Variants in MTHFD2L observed in about 807,000 individuals in gnomAD.
The protein encoded by MTHFD2L is bifunctional methylenetetrahydrofolate dehydrogenase/cyclohydrolase 2, mitochondrial.
Under a neutral mutation model 34.9 loss-of-function variants are expected in MTHFD2L, and 29 were observed. The ratio of observed to expected loss-of-function variants is 0.83; its 90% CI spans 0.62 to 1.13. The LOEUF (loss-of-function observed/expected upper bound fraction) is 1.13, where lower values mean the gene tolerates loss of function less well. Ranked by LOEUF, MTHFD2L falls within the 50% of genes most tolerant of loss-of-function variation. The pLI is 0.00. For synonymous variants in MTHFD2L, 167 were observed against 155.7 expected, an observed-to-expected ratio of 1.07 and a Z score of -0.54; for missense variants, 481 against 446.5, an observed-to-expected ratio of 1.08 and a Z score of -0.70.
At chr4:74,279,277 T>A (rs988176665) in intron 6 of MTHFD2L, among the ~76,000 whole-genome samples, 16 of 151,940 alleles carry the variant, frequency 1.1e-4, no homozygotes, top group African/African-American at 3.6e-4. Flanking sequence ...GACACAACAT[T>A]AAGGAAATAC....
intron 1 of MTHFD2L, among the ~76,000 whole-genome samples, chr4:74,150,718 T>C (rs1723880899): frequency 1.3e-5 from 2 of 151,982 alleles, no homozygotes; most frequent in South Asian, 4.1e-4. Flanking sequence ...CAAAACAAAG[T>C]GAAACAAAAT....
intron 6 of MTHFD2L, chr4:74,266,753 C>T: frequency 1.7e-6 from 1 of 602,012 alleles, no homozygotes; most frequent in South Asian, 7.3e-5. Context: ...TCTCTCCTGT[C>T]TATCACTTTT....
intron 3 of MTHFD2L, among the ~76,000 whole-genome samples, chr4:74,175,847 A>G (rs1315014500): frequency 6.6e-6 from 1 of 152,128 alleles, no homozygotes; most frequent in Middle Eastern, 3.2e-3. Context: ...TTAAAACATT[A>G]GAAACATTGA....
chr4:74,199,647 A>AAATAATAAT (rs375652920), intron 3 of MTHFD2L, 147 bp from the exon 4 acceptor site: 6 of 664,668 alleles, frequency 9.0e-6, no homozygotes, highest in African/African-American at 3.8e-5. Context: ...TTTTGGTGGC[A>AAATAATAAT]AATAATAATA....
intron 6 of MTHFD2L, among the ~76,000 whole-genome samples, chr4:74,254,895 G>A (rs1277107288): frequency 6.6e-6 from 1 of 152,056 alleles, no homozygotes; most frequent in Non-Finnish European, 1.5e-5. Flanking sequence ...AGCACTTTGG[G>A]AGGCCGAGGT....
intron 1 of MTHFD2L, among the ~76,000 whole-genome samples, chr4:74,138,583 G>C (rs184071701): frequency 6.6e-6 from 1 of 152,282 alleles, no homozygotes; most frequent in East Asian, 1.9e-4. Context: ...CCTTTAGCCC[G>C]ATCCAGAGCG....
At chr4:74,234,345 T>G (rs1740525986) in intron 6 of MTHFD2L, among the ~76,000 whole-genome samples, 1 of 152,112 alleles carries the variant, frequency 6.6e-6, no homozygotes, top group Non-Finnish European at 1.5e-5. Flanking sequence ...GAATATTATG[T>G]ATATTTTCAA....
At chr4:74,137,642 A>T (rs186674082) in intron 1 of MTHFD2L, among the ~76,000 whole-genome samples, 11 of 152,314 alleles carry the variant, frequency 7.2e-5, no homozygotes, top group African/African-American at 1.9e-4. Flanking sequence ...TATATCAAGA[A>T]GATATCTGCA....
intron 5 of MTHFD2L, among the ~76,000 whole-genome samples, chr4:74,209,976 T>C (rs1258888718): frequency 6.6e-6 from 1 of 152,242 alleles, no homozygotes; most frequent in African/African-American, 2.4e-5. Context: ...ATATGTTTGT[T>C]GGCTGCATAA....
chr4:74,174,625 T>G lies in MTHFD2L; in HGVS notation c.263T>G (p.Leu88Ter), dbSNP rs1388148991. 1 of 1,604,166 alleles carries G rather than the reference T, an allele frequency of 6.2e-7. No homozygotes were observed. The highest frequency in any genetic ancestry group is 1.3e-5 in the African/African-American group (1 of 74,324). ...AGAAGACCTCACCTCAGTATAATTT[T>G]AGTGGGAGATAACCCAGCAAGCCAT... ...GNRRPHLSIILVGDNPASHTY... is the reference protein window; with the variant it reads ...GNRRPHLSII The change falls in exon 2 of 8, where the codon TTA becomes TGA. Residue 88 changes from leucine (L) to a stop codon, truncating the protein, a stop_gained. Coordinates refer to ENST00000325278, the MANE Select transcript of MTHFD2L (RefSeq NM_001144978.3). LOFTEE classifies it high-confidence loss of function.
At chr4:74,154,618 C>T (rs1724136910), upstream of MTHFD2L, among the ~76,000 whole-genome samples, 1 of 152,052 alleles carries the variant, frequency 6.6e-6, no homozygotes, top group Non-Finnish European at 1.5e-5. Context: ...CCTGACATAT[C>T]CCCATCAATG....
Position 74,257,987 on chromosome 4 carries a change from C to T in MTHFD2L, c.806-23438C>T, listed in dbSNP as rs181762225. On this transcript the variant is annotated intron_variant, in intron 6 of 7. Transcript: ENST00000325278. The stretch of plus-strand genomic sequence containing the variant: ...AATGGCCATTGGGTATATGAAAAAG[C>T]TCGACATCAGTAATCAAGGAAATGC... Among the ~76,000 whole-genome samples, 382 of 151,984 alleles carry T rather than the reference C, an allele frequency of 2.5e-3. 1 individual carries two copies. The highest frequency in any genetic ancestry group is 8.2e-3 in the African/African-American group (339 of 41,470).
intron 1 of MTHFD2L, among the ~76,000 whole-genome samples, chr4:74,135,405 A>G (rs1013977136): frequency 1.3e-5 from 2 of 152,172 alleles, no homozygotes; most frequent in Non-Finnish European, 2.9e-5. Context: ...AATATAGAAG[A>G]AATGGATAAA....
At chr4:74,201,905 G>C (rs571565988) in intron 5 of MTHFD2L, among the ~76,000 whole-genome samples, 2 of 152,294 alleles carry the variant, frequency 1.3e-5, no homozygotes, top group Admixed American at 1.3e-4. Context: ...AGCCATTCCA[G>C]GTGTTGGTCA....
At chr4:74,190,734 T>C (rs1330985414) in intron 3 of MTHFD2L, among the ~76,000 whole-genome samples, 1 of 152,160 alleles carries the variant, frequency 6.6e-6, no homozygotes, top group Admixed American at 6.6e-5. Flanking sequence ...TAAATATTTA[T>C]TGGCTTGAGA....
rs150355657 is a variant in MTHFD2L, at chr4:74,296,581, C to G, written c.932-5116C>G. ...CTGGTACTTGCCTGGGAACCTGAGGCCATCGTGTAAAGTAGCCATACTACA... is the reference window on the plus strand; with the variant it reads ...CTGGTACTTGCCTGGGAACCTGAGGGCATCGTGTAAAGTAGCCATACTACA... On this transcript the variant is annotated intron_variant, in intron 7 of 7. Transcript: ENST00000325278. 4.0e-3 allele frequency among the ~76,000 whole-genome samples: 605 copies of G among 152,172 alleles called. 16 individuals are homozygous for G. The highest frequency in any genetic ancestry group is 0.038 in the Admixed American group (579 of 15,256).
intron 6 of MTHFD2L, among the ~76,000 whole-genome samples, chr4:74,262,718 A>T (rs976761888): frequency 3.9e-5 from 6 of 151,978 alleles, no homozygotes; most frequent in African/African-American, 1.2e-4. Context: ...AAGCTTGATG[A>T]TATCAAATGT....
intron 5 of MTHFD2L, among the ~76,000 whole-genome samples, chr4:74,218,859 A>G (rs1385452529): frequency 6.6e-6 from 1 of 152,088 alleles, no homozygotes; most frequent in African/African-American, 2.4e-5. Context: ...ACTGATTTCT[A>G]AGAAAACTCT....
At chr4:74,142,224 T>C (rs949725477) in intron 1 of MTHFD2L, among the ~76,000 whole-genome samples, 2 of 152,214 alleles carry the variant, frequency 1.3e-5, no homozygotes, top group African/African-American at 4.8e-5. Flanking sequence ...ATCCCAAATT[T>C]TACACATTTT....
Sources: allele counts gnomAD v4.1 joint callset (sites outside exome capture counted in the v4.1 genomes callset), GRCh38; gene constraint gnomAD v4.1.1; transcripts MANE v1.5; gene names NCBI Gene and HGNC (gene_info 2026-07-23, HGNC 2026-07-21).